Variants in SLC35D2 observed in about 807,000 individuals in gnomAD.
The protein encoded by SLC35D2 is nucleotide sugar transporter SLC35D2.
A neutral mutation model predicts 41.8 loss-of-function variants in SLC35D2; 43 were observed. That is an observed-to-expected ratio of 1.03 (90% CI 0.81 to 1.33). SLC35D2 has a LOEUF of 1.33. SLC35D2 is among the 40% of genes most tolerant of loss of function. The pLI is 0.00. For missense variants in SLC35D2, 380 were observed against 408.4 expected, an observed-to-expected ratio of 0.93 and a Z score of 0.60; for synonymous variants, 150 against 163.9, an observed-to-expected ratio of 0.92 and a Z score of 0.65.
At chr9:96,380,070 T>C (rs1443643077) in intron 1 of SLC35D2, among the ~76,000 whole-genome samples, 1 of 152,020 alleles carries the variant, frequency 6.6e-6, no homozygotes, top group African/African-American at 2.4e-5. Flanking sequence ...CTAATATTTG[T>C]ATTTTTAGTA....
chr9:96,313,502 G>A (rs562270001), exon 12 of SLC35D2, among the ~76,000 whole-genome samples: 1 of 152,242 alleles, frequency 6.6e-6, no homozygotes, highest in South Asian at 2.1e-4. Flanking sequence ...TTGCCCACAT[G>A]GCTGATCTCT....
chr9:96,360,356 C>G (rs1360912797), intron 3 of SLC35D2, 135 bp from the exon 4 acceptor site: 2 of 708,352 alleles, frequency 2.8e-6, no homozygotes, highest in African/African-American at 3.6e-5. Flanking sequence ...TTTGGCGGGG[C>G]GCAGTGGCTC....
Position 96,321,069 on chromosome 9 carries a change from G to C in SLC35D2, c.*173C>G, listed in dbSNP as rs1372219916. On this transcript the variant is annotated 3_prime_UTR_variant, in exon 12 of 12. Transcript: ENST00000253270. ...GGTGTCGCCCGAGTACATTTCTTGAGACTGCCATTGGCTCATCCTGCATAT... is the reference window on the plus strand; with the variant it reads ...GGTGTCGCCCGAGTACATTTCTTGACACTGCCATTGGCTCATCCTGCATAT... The C allele has an allele frequency of 3.6e-6, 2 of 562,920 alleles. No homozygotes were observed. The highest frequency in any genetic ancestry group is 6.3e-6 in the Non-Finnish European group (2 of 317,000). The allele number at this position is 562,920 out of a possible 1,614,324, so 34.9% of individuals were successfully genotyped here. A position where few individuals can be genotyped will look rare whatever the true frequency, so the allele number is the denominator to read the frequency against.
At chr9:96,337,843 G>A (rs1370159115) in intron 8 of SLC35D2, among the ~76,000 whole-genome samples, 3 of 151,658 alleles carry the variant, frequency 2.0e-5, no homozygotes, top group African/African-American at 4.8e-5. Flanking sequence ...TTAGCCAGGC[G>A]CAGGGGCAGG....
chr9:96,333,461 G>A (rs1016790001), intron 9 of SLC35D2, among the ~76,000 whole-genome samples: 3 of 151,790 alleles, frequency 2.0e-5, no homozygotes, highest in African/African-American at 7.2e-5. Context: ...TAGCCGTGGT[G>A]GCGGGCGCCT....
chr9:96,357,763 G>A (rs1830087836), intron 4 of SLC35D2, among the ~76,000 whole-genome samples: 2 of 152,002 alleles, frequency 1.3e-5, no homozygotes, highest in African/African-American at 2.4e-5. Context: ...TACAGGCTGG[G>A]CACAGTGGCT....
chr9:96,364,367 C>T (rs1306576445), intron 3 of SLC35D2, 97 bp downstream of exon 3: 8 of 765,694 alleles, frequency 1.0e-5, no homozygotes, highest in Non-Finnish European at 1.8e-5. Context: ...CCAGTGCAGG[C>T]AGGAAGTACA....
intron 8 of SLC35D2, among the ~76,000 whole-genome samples, chr9:96,339,790 A>G (rs1189528640): frequency 2.6e-5 from 4 of 152,218 alleles, no homozygotes; most frequent in Non-Finnish European, 5.9e-5. Flanking sequence ...AGAAGCTGTC[A>G]TCTCTGACTT....
Position 96,324,158 on chromosome 9 carries a change from A to G in SLC35D2, c.764T>C (p.Met255Thr), listed in dbSNP as rs780001329. 2.5e-6 allele frequency: 4 copies of G among 1,613,864 alleles called. No individual in the cohort carries two copies. Among genetic ancestry groups the G allele is most frequent in the Non-Finnish European group, 3.4e-6 (4 of 1,179,820 alleles). Reference protein sequence around the residue: ...LLSCFLGFLLMYSTVLCSYYN... With the variant: ...LLSCFLGFLLTYSTVLCSYYN... The stretch of plus-strand genomic sequence containing the variant: ...ATAGCTGCACAGAACCGTGGAGTAC[A>G]TCAGCAGAAACCTGTGACAAGGAAG... Residue 255 changes from methionine (M) to threonine (T), a missense_variant, in exon 10 of 12, where the codon ATG becomes ACG. Coordinates refer to ENST00000253270, the MANE Select transcript of SLC35D2 (RefSeq NM_007001.3).
intron 11 of SLC35D2, 69 bp from the exon 12 acceptor site, chr9:96,321,410 G>GAGC: frequency 1.8e-6 from 2 of 1,114,532 alleles, no homozygotes; most frequent in Non-Finnish European, 2.7e-6. Flanking sequence ...GCAGTTGCTG[G>GAGC]CGTTTTTATC....
intron 4 of SLC35D2, among the ~76,000 whole-genome samples, chr9:96,353,287 T>C (rs549268843): frequency 3.3e-5 from 5 of 152,220 alleles, no homozygotes; most frequent in African/African-American, 1.2e-4. Flanking sequence ...TACAAAACCA[T>C]GTAGGATCTA....
chr9:96,375,473 G>A (rs550076324), intron 1 of SLC35D2, among the ~76,000 whole-genome samples: 79 of 150,946 alleles, frequency 5.2e-4, no homozygotes, highest in Non-Finnish European at 1.1e-3. Context: ...AACTACTCAA[G>A]AAGCTGAGGC....
intron 11 of SLC35D2, among the ~76,000 whole-genome samples, chr9:96,321,647 C>T (rs1828232765): frequency 1.3e-5 from 2 of 152,164 alleles, no homozygotes; most frequent in Non-Finnish European, 2.9e-5. Flanking sequence ...CCCCAAATGC[C>T]TTTCAAAGCT....
At chr9:96,379,382 T>C (rs188929144) in intron 1 of SLC35D2, among the ~76,000 whole-genome samples, 5 of 151,754 alleles carry the variant, frequency 3.3e-5, no homozygotes, top group African/African-American at 9.7e-5. Flanking sequence ...CTCGCCCCAA[T>C]AGGTTCTCAC....
intron 2 of SLC35D2, among the ~76,000 whole-genome samples, chr9:96,366,794 C>T (rs182988897): frequency 1.3e-5 from 2 of 149,296 alleles, no homozygotes; most frequent in East Asian, 2.0e-4. Flanking sequence ...TTTTTTTTAA[C>T]GTGCTTTTTC....
At position 96,322,028 on chromosome 9, in the gene SLC35D2, G is replaced by A. The variant is rs776848534; in HGVS notation, c.884C>T (p.Ser295Phe). 1.9e-6 allele frequency: 3 copies of A among 1,606,502 alleles called. No individual in the cohort carries two copies. Among genetic ancestry groups the A allele is most frequent in the Middle Eastern group, 1.7e-4 (1 of 6,050 alleles). The change falls in exon 11 of 12, where the codon TCT (serine) becomes TTT (phenylalanine). Residue 295 changes from serine (S) to phenylalanine (F), a missense_variant. Transcript: ENST00000253270. ...ATTTAACCCTACAAAGTTTAACAAAGAGAAAATGTAGTCTCCACCGATTAA... is the reference window on the plus strand; with the variant it reads ...ATTTAACCCTACAAAGTTTAACAAAAAGAAAATGTAGTCTCCACCGATTAA... ...GILIGGDYIF[S>F]LLNFVGLNIC...
intron 6 of SLC35D2, among the ~76,000 whole-genome samples, chr9:96,346,975 A>G (rs896685036): frequency 6.6e-6 from 1 of 152,112 alleles, no homozygotes; most frequent in African/African-American, 2.4e-5. Context: ...CATCTCTACT[A>G]AAAATACAAA....
chr9:96,362,870 GT>G (rs534159570), intron 3 of SLC35D2, among the ~76,000 whole-genome samples: 3,546 of 138,928 alleles, frequency 0.026, 117 homozygotes, highest in African/African-American at 0.085. Flanking sequence ...TCCCTGTTTT[GT>G]TTTTTTTTTT....
intron 11 of SLC35D2, among the ~76,000 whole-genome samples, 200 bp downstream of exon 11, chr9:96,321,798 C>G (rs377541920): frequency 6.6e-4 from 100 of 152,328 alleles, no homozygotes; most frequent in African/African-American, 2.4e-3. Context: ...GCCCCGCAAA[C>G]TGCCATCACA....
Sources: gnomAD v4.1 joint callset for allele counts (sites outside exome capture counted in the v4.1 genomes callset) on GRCh38, gnomAD v4.1.1 for gene constraint, MANE v1.5 for transcripts, NCBI Gene and HGNC (gene_info 2026-07-23, HGNC 2026-07-21) for gene names.